Variants in NHSL1 observed in about 807,000 individuals in gnomAD.
NHSL1 encodes NHS like 1, also known as NHS-like protein 1.
NHSL1 carries 48 observed loss-of-function variants against 95.0 expected under a neutral mutation model. That is an observed-to-expected ratio of 0.51 (90% CI 0.40 to 0.64). The LOEUF (loss-of-function observed/expected upper bound fraction) is 0.64, where lower values mean the gene tolerates loss of function less well. NHSL1 is among the 30% of genes least tolerant of loss of function. NHSL1 has a pLI of 0.00. For missense variants in NHSL1, 1,971 were observed against 2,077.7 expected, an observed-to-expected ratio of 0.95 and a Z score of 1.00; for synonymous variants, 783 against 833.9, an observed-to-expected ratio of 0.94 and a Z score of 1.05.
intron 1 of NHSL1, among the ~76,000 whole-genome samples, chr6:138,662,767 GA>G (rs1415992695): frequency 6.6e-6 from 1 of 151,544 alleles, no homozygotes; most frequent in Non-Finnish European, 1.5e-5. Flanking sequence ...AACAAGATCT[GA>G]TAAAGAATAC....
chr6:138,456,232 C>G (rs138096198), intron 3 of NHSL1, among the ~76,000 whole-genome samples: 62 of 152,292 alleles, frequency 4.1e-4, no homozygotes, highest in African/African-American at 1.4e-3. Context: ...TATCTCTTTA[C>G]AGTTGAGGAA....
At chr6:138,598,627 GAAAAAA>G (rs35482505) in intron 1 of NHSL1, among the ~76,000 whole-genome samples, 2 of 86,846 alleles carry the variant, frequency 2.3e-5, no homozygotes, top group African/African-American at 3.9e-5. Flanking sequence ...TCATCTGGAA[GAAAAAA>G]AAAAAAAAAA....
chr6:138,617,836 CA>C (rs1483499227), intron 1 of NHSL1, among the ~76,000 whole-genome samples: 1 of 152,216 alleles, frequency 6.6e-6, no homozygotes, highest in Non-Finnish European at 1.5e-5. Context: ...CACAGTCCAT[CA>C]CTGTTCCAAA....
Position 138,664,460 on chromosome 6 carries a change from GCA to G in NHSL1, c.96+28014_96+28015del, listed in dbSNP as rs554654807. On this transcript the variant is annotated intron_variant, in intron 1 of 3. Coordinates refer to the NHSL1 transcript ENST00000491526. ...ATGGCCTAAGAGAGGTACACACAGA[GCA>G]CTACTGGGCAAAAGGAAAATCAGAT... Among the ~76,000 whole-genome samples, 21 of 152,288 alleles carry G rather than the reference GCA, an allele frequency of 1.4e-4. No homozygotes were observed. The South Asian group carries it at 4.4e-3, about 32-fold the overall frequency.
At chr6:138,467,547 T>C (rs997589185) in intron 3 of NHSL1, among the ~76,000 whole-genome samples, 3 of 152,140 alleles carry the variant, frequency 2.0e-5, no homozygotes, top group Non-Finnish European at 4.4e-5. Flanking sequence ...ATTCCAGAAG[T>C]GGGTATTGTT....
chr6:138,444,846 AT>A (rs1776759762), intron 4 of NHSL1, among the ~76,000 whole-genome samples: 1 of 152,236 alleles, frequency 6.6e-6, no homozygotes, highest in Non-Finnish European at 1.5e-5. Context: ...ATGTGTGTAT[AT>A]GTGAACACAC....
At chr6:138,482,214 A>G (rs1779457146) in intron 2 of NHSL1, among the ~76,000 whole-genome samples, 1 of 152,180 alleles carries the variant, frequency 6.6e-6, no homozygotes, top group Admixed American at 6.5e-5. Flanking sequence ...TTGGGAGGCC[A>G]AGGCGGGCGG....
exon 1 of NHSL1, chr6:138,545,656 G>T (rs1782762053): frequency 7.8e-7 from 1 of 1,289,212 alleles, no homozygotes. Flanking sequence ...CAGTTCCATG[G>T]AGGGGCTGTG....
chr6:138,458,374 G>C (rs57326772), intron 3 of NHSL1, among the ~76,000 whole-genome samples: 11,931 of 152,002 alleles, frequency 0.078, 1,361 homozygotes, highest in African/African-American at 0.25. Flanking sequence ...TTCCTTAGTC[G>C]TCTCTCTCCT....
chr6:138,683,065 C>A (rs890682212), intron 1 of NHSL1, among the ~76,000 whole-genome samples: 1 of 152,166 alleles, frequency 6.6e-6, no homozygotes, highest in Admixed American at 6.5e-5. Flanking sequence ...CCAGTTCCCA[C>A]GGCAGGAGGA....
intron 1 of NHSL1, among the ~76,000 whole-genome samples, chr6:138,595,754 T>C (rs1179153514): frequency 4.6e-5 from 7 of 152,184 alleles, no homozygotes; most frequent in East Asian, 1.9e-4. Context: ...TAGCACAGCA[T>C]ACAGGTGAAG....
chr6:138,464,172 T>C (rs1778188984), intron 3 of NHSL1: 2 of 664,328 alleles, frequency 3.0e-6, no homozygotes, highest in Non-Finnish European at 2.6e-6. Context: ...GCAGTACAGT[T>C]ATACCTGGGC....
At chr6:138,464,715 CTTTTTTTTTTTT>C (rs1157342436) in intron 3 of NHSL1, among the ~76,000 whole-genome samples, 1 of 119,024 alleles carries the variant, frequency 8.4e-6, no homozygotes, top group African/African-American at 3.5e-5. Flanking sequence ...TTTTTCTTTT[CTTTTTTTTTTTT>C]TTTGAGACAG....
chr6:138,652,266 AC>A (rs375970011), intron 1 of NHSL1, among the ~76,000 whole-genome samples: 1 of 151,930 alleles, frequency 6.6e-6, no homozygotes, highest in East Asian at 1.9e-4. Context: ...ACATGGAGAA[AC>A]CCCAACTCTA....
intron 1 of NHSL1, chr6:138,691,916 A>C (rs778826836): frequency 6.6e-6 from 3 of 456,606 alleles, no homozygotes; most frequent in Non-Finnish European, 1.3e-5. Flanking sequence ...ATTCTGCGCC[A>C]AATGGGAAAA....
intron 1 of NHSL1, among the ~76,000 whole-genome samples, chr6:138,646,992 C>G (rs1360838142): frequency 6.6e-6 from 1 of 152,156 alleles, no homozygotes; most frequent in Non-Finnish European, 1.5e-5. Context: ...CTTCATGTGT[C>G]AAAATTGTGA....
At chr6:138,590,682 C>T (rs1319236957) in intron 1 of NHSL1, among the ~76,000 whole-genome samples, 2 of 152,184 alleles carry the variant, frequency 1.3e-5, no homozygotes, top group African/African-American at 2.4e-5. Flanking sequence ...ACCCTTGAAG[C>T]GGCTGTTTAC....
intron 1 of NHSL1, among the ~76,000 whole-genome samples, chr6:138,647,692 C>G (rs1255041275): frequency 6.6e-6 from 1 of 151,312 alleles, no homozygotes; most frequent in Non-Finnish European, 1.5e-5. Flanking sequence ...ACCTCCACCT[C>G]AGGGTTCAAG....
intron 2 of NHSL1, among the ~76,000 whole-genome samples, chr6:138,477,048 T>C (rs1779122526): frequency 6.6e-6 from 1 of 151,974 alleles, no homozygotes; most frequent in Non-Finnish European, 1.5e-5. Flanking sequence ...TATTAACTTA[T>C]GCTGCTAAAT....
Sources: allele counts gnomAD v4.1 joint callset (sites outside exome capture counted in the v4.1 genomes callset), GRCh38; gene constraint gnomAD v4.1.1; transcripts MANE v1.5; gene names NCBI Gene and HGNC (gene_info 2026-07-23, HGNC 2026-07-21).